Variants in SDF4 observed in about 807,000 individuals in gnomAD.
SDF4 encodes stromal cell derived factor 4, also known as 45 kDa calcium-binding protein.
Under a neutral mutation model 34.2 loss-of-function variants are expected in SDF4, and 22 were observed. The ratio of observed to expected loss-of-function variants is 0.64; its 90% confidence interval spans 0.46 to 0.92. The LOEUF (loss-of-function observed/expected upper bound fraction) is 0.92. Among genes scored for constraint, SDF4 ranks in the 40% least tolerant of loss-of-function variants. SDF4 has a pLI of 0.00. For synonymous variants in SDF4, 236 were observed against 203.1 expected (o/e 1.16, Z -1.38); for missense variants, 447 against 499.9 (o/e 0.89, Z 1.01).
intron 2 of SDF4, among the ~76,000 whole-genome samples, chr1:1,226,522 C>T (rs1638313936): frequency 6.6e-6 from 1 of 152,240 alleles, no homozygotes; most frequent in Admixed American, 6.5e-5. Context: ...AGACACCGTT[C>T]CAGCCCAGAG....
intron 2 of SDF4, among the ~76,000 whole-genome samples, chr1:1,226,789 G>A (rs1157903021): frequency 6.6e-6 from 1 of 152,228 alleles, no homozygotes; most frequent in Non-Finnish European, 1.5e-5. Context: ...TCCAGCTGGA[G>A]ACGCACCGAG....
rs571162763 is a variant in SDF4 at position 1,226,994 on chromosome 1, G to A, written c.305+1474C>T. ...TCACCACCAAGTGAACTCAGGCCACGCAAGGACCCCCGAACCGTACCATCT... is the reference window on the plus strand; with the variant it reads ...TCACCACCAAGTGAACTCAGGCCACACAAGGACCCCCGAACCGTACCATCT... On this transcript the variant is annotated intron_variant, in intron 2 of 6. Transcript: ENST00000360001. Among the ~76,000 whole-genome samples, 18 of 152,264 alleles carry A rather than the reference G, an allele frequency of 1.2e-4. 1 individual carries two copies. Among genetic ancestry groups the A allele is most frequent in the African/African-American group, 3.4e-4 (14 of 41,530 alleles).
chr1:1,225,053 G>A (rs1638251095), intron 2 of SDF4, among the ~76,000 whole-genome samples: 2 of 152,192 alleles, frequency 1.3e-5, no homozygotes, highest in Admixed American at 6.5e-5. Flanking sequence ...GGGACACGGG[G>A]CCAGCGCAGG....
At position 1,218,951 on chromosome 1, in the gene SDF4, T is replaced by C. The variant is rs1327584776; in HGVS notation, c.557-24A>G. ...TGCTGAGAGGGGCGCAGCCTGTGGGTATCGAGGCCGACAGACGCCAGCACG... is the reference window on the plus strand; with the variant it reads ...TGCTGAGAGGGGCGCAGCCTGTGGGCATCGAGGCCGACAGACGCCAGCACG... On this transcript the variant is annotated intron_variant, in intron 4 of 6. Coordinates refer to ENST00000360001, the MANE Select transcript of SDF4 (RefSeq NM_016176.6). This position sits in a 1 kb window ranked among gnomAD's most constrained non-coding sequence, Gnocchi z 7.9. 2 of 1,611,504 alleles carry C rather than the reference T, an allele frequency of 1.2e-6. No individual in the cohort carries two copies. The highest frequency in any genetic ancestry group is 1.7e-5 in the Admixed American group (1 of 59,756).
chr1:1,227,749 G>A (rs1363252283), intron 2 of SDF4, among the ~76,000 whole-genome samples: 4 of 152,216 alleles, frequency 2.6e-5, no homozygotes, highest in Admixed American at 6.5e-5. Context: ...CCTTGTGGGT[G>A]AGTGGTCAGG....
At chr1:1,220,613 C>CAT in intron 4 of SDF4, 3 of 1,289,022 alleles carry the variant, frequency 2.3e-6, no homozygotes, top group Admixed American at 2.3e-5. Context: ...AGCACCTCAG[C>CAT]ATGCATGGGG....
rs1397427680 is a variant in SDF4, at chr1:1,218,279, G to A, written c.891+179C>T. Among the ~76,000 whole-genome samples the A allele has an allele frequency of 6.6e-6, 1 of 152,072 alleles. No homozygotes were observed. The highest frequency in any genetic ancestry group is 1.5e-5 in the Non-Finnish European group (1 of 68,000). ...GTCTCTGATCCGTCTGAACCTAAACGCCAACAACGGCCATGCAGCCTGGTG... is the reference window on the plus strand; with the variant it reads ...GTCTCTGATCCGTCTGAACCTAAACACCAACAACGGCCATGCAGCCTGGTG... On this transcript the variant is annotated intron_variant, in intron 6 of 6. Coordinates refer to ENST00000360001, the MANE Select transcript of SDF4 (RefSeq NM_016176.6). This position sits in a 1 kb window ranked among gnomAD's most constrained non-coding sequence, Gnocchi z 7.9.
At chr1:1,229,145 C>G (rs1453197383) in intron 1 of SDF4, among the ~76,000 whole-genome samples, 199 bp from the exon 2 acceptor site, 9 of 151,892 alleles carry the variant, frequency 5.9e-5, no homozygotes, top group Non-Finnish European at 1.0e-4. Context: ...CATTTGTTTT[C>G]TCTGGACCAC....
intron 1 of SDF4, among the ~76,000 whole-genome samples, chr1:1,230,888 T>G (rs1638471643): frequency 6.6e-6 from 1 of 152,202 alleles, no homozygotes; most frequent in Admixed American, 6.5e-5. Context: ...TGGTGCTGAC[T>G]CCACTAACTA....
chr1:1,219,516 C>T (rs949125877), intron 4 of SDF4: 52 of 992,704 alleles, frequency 5.2e-5, no homozygotes, highest in African/African-American at 3.3e-4. Context: ...GTTTCCTTCA[C>T]GTGTGACGTC....
chr1:1,217,573 C>G lies in SDF4; in HGVS notation c.1007G>C (p.Ser336Thr), dbSNP rs754305159. The change falls in exon 7 of 7, where the codon AGC becomes ACC. Residue 336 changes from serine (S) to threonine (T), a missense_variant. Physicochemically the swap from Ser to Thr is moderately conservative, Grantham distance 58. Coordinates refer to ENST00000360001, the MANE Select transcript of SDF4 (RefSeq NM_016176.6). This position sits in a 1 kb window ranked among gnomAD's most constrained non-coding sequence, Gnocchi z 8.5. ...CAGCTTGCTGCCCGTGAAGAACTCGCTGTACTTGAGCACCTCCTCGGGCTC... is the reference window on the plus strand; with the variant it reads ...CAGCTTGCTGCCCGTGAAGAACTCGGTGTACTTGAGCACCTCCTCGGGCTC... Reference protein sequence around the residue: ...HLEPEEVLKYSEFFTGSKLVD... With the variant: ...HLEPEEVLKYTEFFTGSKLVD... The G allele has an allele frequency of 1.2e-6, 2 of 1,613,542 alleles. No homozygotes were observed. The highest frequency in any genetic ancestry group is 2.2e-5 in the South Asian group (2 of 91,080).
At position 1,220,977 on chromosome 1, in the gene SDF4, G is replaced by A. The variant is rs139116395; in HGVS notation, c.557-2050C>T. On this transcript the variant is annotated intron_variant, in intron 4 of 6. Coordinates refer to ENST00000360001, the MANE Select transcript of SDF4 (RefSeq NM_016176.6). ...GGAAGTAATAACGTCCAATTTGGCC[G>A]GGCACTGGGGCTTGTGCCTGTAATC... The A allele has an allele frequency of 2.3e-3, 817 of 356,534 alleles. 4 individuals are homozygous for A. Among genetic ancestry groups the A allele is most frequent in the Admixed American group, 4.8e-3 (131 of 27,146 alleles). The allele number at this position is 356,534 out of a possible 1,614,324, so 22.1% of individuals were successfully genotyped here.
chr1:1,220,038 G>A (rs1649828851), intron 4 of SDF4: 3 of 985,780 alleles, frequency 3.0e-6, no homozygotes, highest in Non-Finnish European at 1.2e-6. Context: ...ATGGATGGAC[G>A]GGGCCAAACT....
rs1447624493 is a variant in SDF4 at position 1,228,500 on chromosome 1, C to A, written c.273G>T (p.Arg91=). Residue 91 remains arginine, a synonymous_variant, in exon 2 of 7, where the codon CGG becomes CGT. Coordinates refer to ENST00000360001, the MANE Select transcript of SDF4 (RefSeq NM_016176.6). ...GGFDEDAEPR[R]SRRKLMVIFS... is the part of the protein sequence containing the mutation. ...AGATGACCATCAGCTTCCTCCGGCT[C>A]CGCCGCGGCTCCGCGTCCTCATCAA... The A allele has an allele frequency of 1.9e-6, 3 of 1,608,800 alleles. No individual in the cohort carries two copies. The highest frequency in any genetic ancestry group is 2.5e-6 in the Non-Finnish European group (3 of 1,176,922).
At chr1:1,222,401 C>T (rs1238553367) in intron 4 of SDF4, among the ~76,000 whole-genome samples, 5 of 143,770 alleles carry the variant, frequency 3.5e-5, no homozygotes, top group South Asian at 2.5e-4. Context: ...ACCCTCTTCA[C>T]GCAGAGGCAC....
Position 1,219,108 on chromosome 1 carries a change from C to T in SDF4, c.557-181G>A, listed in dbSNP as rs952840297. 39 of 1,521,958 alleles carry T rather than the reference C, an allele frequency of 2.6e-5. No individual in the cohort carries two copies. The African/African-American group carries it at 5.1e-4, about 20-fold the overall frequency. The allele number at this position is 1,521,958 out of a possible 1,614,324, so 94.3% of individuals were successfully genotyped here. Reference sequence around the variant, plus strand: ...AGCCCCTAAGACACAGCCTGGACCCCCGCCAAGACATAACCCAGAGCCTCC... The same window carrying T: ...AGCCCCTAAGACACAGCCTGGACCCTCGCCAAGACATAACCCAGAGCCTCC... On this transcript the variant is annotated intron_variant, in intron 4 of 6. Transcript: ENST00000360001.
At chr1:1,228,250 G>A (rs908007767) in intron 2 of SDF4, among the ~76,000 whole-genome samples, 5 of 152,236 alleles carry the variant, frequency 3.3e-5, no homozygotes, top group Non-Finnish European at 5.9e-5. Flanking sequence ...CTGAGCCCCC[G>A]GCGGACCCAG....
rs936247484 is a variant in SDF4, at chr1:1,223,118, C to T, written c.556+126G>A. 1.3e-5 allele frequency: 9 copies of T among 699,138 alleles called. No individual in the cohort carries two copies. The highest frequency in any genetic ancestry group is 5.3e-5 in the African/African-American group (3 of 57,048). 43.3% of individuals were successfully genotyped at this position (699,138 alleles called of 1,614,324 possible). ...CACTCGTACACACGGCACGCACACA[C>T]GTACTCACGAGCACACGCACGGCAC... On this transcript the variant is annotated intron_variant, in intron 4 of 6. Transcript: ENST00000360001.
At chr1:1,219,148 C>T (rs1649740036) in intron 4 of SDF4, 1 of 1,446,294 alleles carries the variant, frequency 6.9e-7, no homozygotes. Context: ...GGCCTGATCC[C>T]CAAAGGCATA....
Sources: allele counts gnomAD v4.1 joint callset (sites outside exome capture counted in the v4.1 genomes callset), GRCh38; gene constraint gnomAD v4.1.1; non-coding constraint Gnocchi (gnomAD v3.1); transcripts MANE v1.5; gene names NCBI Gene and HGNC (gene_info 2026-07-23, HGNC 2026-07-21).